Variants in TCF4 observed in about 807,000 individuals in gnomAD.
TCF4 encodes the protein transcription factor 4.
In TCF4, 3 loss-of-function variants were observed where a neutral mutation model predicts 82.1. The observed-to-expected ratio is 0.04, with a 90% CI of 0.02 to 0.09. TCF4 has a LOEUF of 0.09. Ranked by LOEUF, TCF4 falls within the 10% of genes least tolerant of loss-of-function variation. The probability of loss-of-function intolerance (pLI) is 1.00; values close to 1 mark genes in which losing one functional copy is unlikely to be tolerated. For missense variants in TCF4, 518 were observed against 852.7 expected (o/e 0.61, Z 4.89); for synonymous variants, 276 against 309.6 (o/e 0.89, Z 1.14).
intron 2 of TCF4, among the ~76,000 whole-genome samples, chr18:55,616,120 A>G (rs1046281457): frequency 3.3e-5 from 5 of 152,108 alleles, no homozygotes; most frequent in Admixed American, 3.3e-4. Context: ...CCCATTGAGC[A>G]TCAGTTCCCC....
intron 5 of TCF4, among the ~76,000 whole-genome samples, chr18:55,445,559 C>T (rs2144112986): frequency 6.6e-6 from 1 of 152,066 alleles, no homozygotes; most frequent in South Asian, 2.1e-4. Flanking sequence ...TGGGAAAAAC[C>T]CACCCCCCAT....
At chr18:55,335,229 G>A (rs1475115915) in intron 8 of TCF4, among the ~76,000 whole-genome samples, 1 of 152,208 alleles carries the variant, frequency 6.6e-6, no homozygotes, top group Non-Finnish European at 1.5e-5. Context: ...CACAATGGCT[G>A]TGGATAAATA....
At chr18:55,539,775 A>G (rs1360777841) in intron 3 of TCF4, among the ~76,000 whole-genome samples, 1 of 152,212 alleles carries the variant, frequency 6.6e-6, no homozygotes, top group African/African-American at 2.4e-5. Flanking sequence ...ATAAGTTTGA[A>G]TGGGAATCAA....
chr18:55,370,466 T>TAGATAGATAGAC (rs1233973137), intron 6 of TCF4, among the ~76,000 whole-genome samples: 10 of 150,936 alleles, frequency 6.6e-5, no homozygotes, highest in African/African-American at 2.5e-4. Context: ...GATAGATAGA[T>TAGATAGATAGAC]AGATAGATAG....
intron 8 of TCF4, chr18:55,321,494 GAGA>G (rs1602570284): frequency 2.6e-5 from 24 of 938,662 alleles, no homozygotes; most frequent in Non-Finnish European, 3.1e-5. Flanking sequence ...AAAGACGAAG[GAGA>G]AGAAGTAGGC....
At chr18:55,587,875 G>C (rs1054898050) in intron 1 of TCF4, among the ~76,000 whole-genome samples, 163 bp downstream of exon 1, 1 of 148,250 alleles carries the variant, frequency 6.7e-6, no homozygotes, top group African/African-American at 2.4e-5. Context: ...GGCGGCGAGG[G>C]GGAGGGAAGC....
chr18:55,427,083 GA>G lies in TCF4; in HGVS notation c.305-23566del, dbSNP rs893768179. On this transcript the variant is annotated intron_variant, in intron 5 of 19. Transcript: ENST00000354452. ...ATCTACCTCTTGAGAATATAAGGGG[GA>G]AAAAAACTTTAAAAACCAGACAGTT... is the stretch of plus-strand genomic sequence containing the variant. Among the ~76,000 whole-genome samples, 16 of 152,198 alleles carry G rather than the reference GA, an allele frequency of 1.1e-4. No individual in the cohort carries two copies. The East Asian group carries it at 2.7e-3, about 26-fold the overall frequency.
intron 3 of TCF4, among the ~76,000 whole-genome samples, chr18:55,520,304 T>C (rs1410130784): frequency 1.3e-5 from 2 of 152,100 alleles, no homozygotes; most frequent in Non-Finnish European, 2.9e-5. Flanking sequence ...TATAAACGCA[T>C]TGAGTCACTT....
chr18:55,525,937 C>T (rs548511240), intron 3 of TCF4, among the ~76,000 whole-genome samples: 1 of 152,298 alleles, frequency 6.6e-6, no homozygotes, highest in Non-Finnish European at 1.5e-5. Context: ...TCTGGAAACA[C>T]ACTTTCTTGA....
intron 6 of TCF4, among the ~76,000 whole-genome samples, chr18:55,370,415 TA>T (rs1396669982): frequency 6.7e-6 from 1 of 149,098 alleles, no homozygotes; most frequent in African/African-American, 2.5e-5. Flanking sequence ...GGTATGTAGA[TA>T]GATAGACAGA....
At chr18:55,540,261 A>G (rs1259417721) in intron 3 of TCF4, among the ~76,000 whole-genome samples, 1 of 152,150 alleles carries the variant, frequency 6.6e-6, no homozygotes. Context: ...TCAGATGCAG[A>G]CATATCACAG....
At chr18:55,608,187 T>A (rs1245223358) in intron 2 of TCF4, among the ~76,000 whole-genome samples, 1 of 152,148 alleles carries the variant, frequency 6.6e-6, no homozygotes, top group Non-Finnish European at 1.5e-5. Flanking sequence ...TTCTCCTTGA[T>A]AACATTATAG....
chr18:55,294,250 A>G (rs1417948809), intron 8 of TCF4, among the ~76,000 whole-genome samples: 1 of 151,006 alleles, frequency 6.6e-6, no homozygotes, highest in South Asian at 2.1e-4. Flanking sequence ...ACAGAGTGAG[A>G]ATCTGTCTCA....
At chr18:55,609,279 A>G (rs971767753) in intron 2 of TCF4, among the ~76,000 whole-genome samples, 3 of 152,196 alleles carry the variant, frequency 2.0e-5, no homozygotes, top group African/African-American at 4.8e-5. Context: ...GTGGTCAGCC[A>G]TATATTCTCA....
intron 2 of TCF4, among the ~76,000 whole-genome samples, chr18:55,605,142 A>C (rs1040894148): frequency 6.6e-6 from 1 of 152,194 alleles, no homozygotes. Context: ...CCCTGGCACC[A>C]TAACATGGTC....
chr18:55,229,607 G>A (rs1599398382), intron 17 of TCF4: 1 of 169,696 alleles, frequency 5.9e-6, no homozygotes, highest in Admixed American at 5.6e-5. Context: ...GGAGTAAGAA[G>A]AAAGGCCTAT....
intron 6 of TCF4, among the ~76,000 whole-genome samples, chr18:55,394,377 T>A (rs542787937): frequency 8.7e-4 from 132 of 152,290 alleles, no homozygotes; most frequent in Non-Finnish European, 1.3e-3. Context: ...CAAATGCATA[T>A]AAACATGGCT....
At chr18:55,283,786 G>A (rs567451858) in intron 8 of TCF4, among the ~76,000 whole-genome samples, 129 of 152,298 alleles carry the variant, frequency 8.5e-4, no homozygotes, top group African/African-American at 3.0e-3. Flanking sequence ...GGTATAATGT[G>A]TGTAAAGAAA....
At chr18:55,431,229 A>T (rs2095180532) in intron 5 of TCF4, among the ~76,000 whole-genome samples, 1 of 152,166 alleles carries the variant, frequency 6.6e-6, no homozygotes, top group African/African-American at 2.4e-5. Context: ...GAAACCTGAC[A>T]TCTCATCTAA....
Sources: gnomAD v4.1 joint callset for allele counts (sites outside exome capture counted in the v4.1 genomes callset) on GRCh38, gnomAD v4.1.1 for gene constraint, MANE v1.5 for transcripts, NCBI Gene and HGNC (gene_info 2026-07-23, HGNC 2026-07-21) for gene names.